The following SHISA9 variants were observed in gnomAD, a reference collection of about 807,000 sequenced individuals.
SHISA9 encodes shisa family member 9, also known as protein shisa-9.
Under a neutral mutation model 38.0 loss-of-function variants are expected in SHISA9, and 13 were observed. That is an observed-to-expected ratio of 0.34 (90% CI 0.22 to 0.54). The LOEUF (loss-of-function observed/expected upper bound fraction) is 0.54. SHISA9 is among the 20% of genes least tolerant of loss of function. SHISA9 has a pLI of 0.91. For missense variants in SHISA9, 538 were observed against 575.8 expected, an observed-to-expected ratio of 0.93 and a Z score of 0.67; for synonymous variants, 275 against 242.0, an observed-to-expected ratio of 1.14 and a Z score of -1.27.
chr16:12,994,710 G>A (rs972229036), intron 2 of SHISA9, among the ~76,000 whole-genome samples: 4 of 152,176 alleles, frequency 2.6e-5, no homozygotes, highest in Non-Finnish European at 1.5e-5. Context: ...CAAAAACTGA[G>A]CCTAATGAAG....
In SHISA9 at chr16:13,041,738, G is replaced by A. The variant is rs527527898; in HGVS notation, c.691+124923G>A. Among the ~76,000 whole-genome samples, 3 of 152,170 alleles carry A rather than the reference G, an allele frequency of 2.0e-5. No individual in the cohort carries two copies. The East Asian group carries it at 5.8e-4, about 30-fold the overall frequency. ...CTGGGCCAGCAGTTCTCAAACTGTAGGGTACATGAGGCTCACTGGGGAAGG... is the reference window on the plus strand; with the variant it reads ...CTGGGCCAGCAGTTCTCAAACTGTAAGGTACATGAGGCTCACTGGGGAAGG... On this transcript the variant is annotated intron_variant, in intron 2 of 4. Transcript: ENST00000558583.
At chr16:12,955,856 T>G (rs907395942) in intron 2 of SHISA9, among the ~76,000 whole-genome samples, 2 of 152,096 alleles carry the variant, frequency 1.3e-5, no homozygotes, top group African/African-American at 4.8e-5. Flanking sequence ...AGTGAATAAT[T>G]TATGATGAAG....
At chr16:13,364,969 G>A in the SHISA9 span, among the ~76,000 whole-genome samples, 1 of 152,152 alleles carries the variant, frequency 6.6e-6, no homozygotes, top group Non-Finnish European at 1.5e-5. Context: ...TTCCATTGAG[G>A]AGAGCCTATG....
chr16:12,916,836 C>T (rs942322433), intron 2 of SHISA9, 21 bp downstream of exon 2: 3 of 1,549,468 alleles, frequency 1.9e-6, no homozygotes, highest in African/African-American at 2.7e-5. Context: ...CTGCATGAAC[C>T]ATTTCCAGTC....
At chr16:13,284,677 A>T in the SHISA9 span, among the ~76,000 whole-genome samples, 1 of 152,308 alleles carries the variant, frequency 6.6e-6, no homozygotes, top group African/African-American at 2.4e-5. Context: ...AGCTCACTGC[A>T]GCCTCCGCCT....
At chr16:13,157,289 G>A (rs2050556000) in intron 2 of SHISA9, among the ~76,000 whole-genome samples, 1 of 152,176 alleles carries the variant, frequency 6.6e-6, no homozygotes, top group Admixed American at 6.5e-5. Flanking sequence ...AGTTGTTTGT[G>A]TGAAGCTTCG....
the SHISA9 span, among the ~76,000 whole-genome samples, chr16:13,304,231 C>G: frequency 6.6e-6 from 1 of 152,164 alleles, no homozygotes; most frequent in Non-Finnish European, 1.5e-5. Context: ...TGAATGAAGT[C>G]TTACACCACC....
rs376756168 is a variant in SHISA9 at position 13,213,375 on chromosome 16, G to A, written c.895+75G>A. On this transcript the variant is annotated intron_variant, in intron 4 of 4. Coordinates refer to ENST00000558583, the MANE Select transcript of SHISA9 (RefSeq NM_001145204.3). ...GCATTAAATAATGAAGGGATAGAGA[G>A]TCCTGGTGTCTGTGTGACCTGTGCA... 4.4e-6 allele frequency: 6 copies of A among 1,378,412 alleles called. No individual in the cohort carries two copies. In the African/African-American group the frequency reaches 7.2e-5, roughly 17 times the overall value. The allele number at this position is 1,378,412 out of a possible 1,614,324, so 85.4% of individuals were successfully genotyped here.
intron 2 of SHISA9, among the ~76,000 whole-genome samples, chr16:12,983,107 G>A (rs1430123877): frequency 2.0e-5 from 3 of 152,230 alleles, no homozygotes; most frequent in African/African-American, 7.2e-5. Flanking sequence ...TTTAGAATCA[G>A]GTTTGGGGTG....
chr16:13,060,138 G>A (rs551663604), intron 2 of SHISA9, among the ~76,000 whole-genome samples: 2 of 152,268 alleles, frequency 1.3e-5, no homozygotes, highest in South Asian at 2.1e-4. Context: ...AATCCCAGAC[G>A]GGCCTGGCTC....
chr16:13,508,283 C>T, the SHISA9 span, among the ~76,000 whole-genome samples: 3 of 152,200 alleles, frequency 2.0e-5, no homozygotes, highest in Admixed American at 2.0e-4. Context: ...TCTTCAAAAA[C>T]ATGACTTTTA....
the SHISA9 span, among the ~76,000 whole-genome samples, chr16:13,253,937 T>G: frequency 6.6e-6 from 1 of 152,108 alleles, no homozygotes; most frequent in Non-Finnish European, 1.5e-5. Context: ...ATCCTTCCAC[T>G]TCCTGTTTTC....
chr16:13,284,767 T>C, the SHISA9 span, among the ~76,000 whole-genome samples: 2 of 152,198 alleles, frequency 1.3e-5, 1 homozygote, highest in Admixed American at 1.3e-4. Flanking sequence ...CGGGCTAATT[T>C]TTTGTATTTT....
chr16:13,148,792 A>G (rs928740088), intron 2 of SHISA9, among the ~76,000 whole-genome samples: 1 of 151,696 alleles, frequency 6.6e-6, no homozygotes, highest in African/African-American at 2.4e-5. Context: ...AAATTGCCTG[A>G]GGCCACACAC....
At chr16:13,025,818 TG>T (rs1567186507) in intron 2 of SHISA9, among the ~76,000 whole-genome samples, 1 of 152,088 alleles carries the variant, frequency 6.6e-6, no homozygotes, top group African/African-American at 2.4e-5. Flanking sequence ...ACATTTTTTT[TG>T]GGGGGGATGG....
rs1259119000 is a variant in SHISA9 at position 13,020,037 on chromosome 16, C to CT, written c.691+103231dup. 2.5e-3 allele frequency among the ~76,000 whole-genome samples: 272 copies of CT among 110,104 alleles called. 1 individual carries two copies. The highest frequency in any genetic ancestry group is 8.1e-3 in the African/African-American group (238 of 29,322). 72.2% of individuals were successfully genotyped at this position (110,104 alleles called of 152,430 possible). ...CCTCCTTCCTTCCTTCTCTTTCTTT[C>CT]TTTTTTTTTGACAGAGTCTTGCTGT... On this transcript the variant is annotated intron_variant, in intron 2 of 4. Transcript: ENST00000558583.
downstream of SHISA9, among the ~76,000 whole-genome samples, chr16:13,242,699 G>A (rs1023661111): frequency 2.0e-5 from 3 of 152,160 alleles, no homozygotes; most frequent in South Asian, 4.1e-4. Flanking sequence ...TTCAGAAGGA[G>A]GAGGTTGCAG....
At chr16:13,526,537 C>T in the SHISA9 span, among the ~76,000 whole-genome samples, 1 of 152,084 alleles carries the variant, frequency 6.6e-6, no homozygotes. Flanking sequence ...GTGTGCACCA[C>T]CACACCTGGC....
chr16:13,504,354 T>C, the SHISA9 span, among the ~76,000 whole-genome samples: 1 of 152,174 alleles, frequency 6.6e-6, no homozygotes, highest in Non-Finnish European at 1.5e-5. Flanking sequence ...CTGATTTTCT[T>C]TTCGGAGATT....
Sources: gnomAD v4.1 joint callset for allele counts (sites outside exome capture counted in the v4.1 genomes callset) on GRCh38, gnomAD v4.1.1 for gene constraint, MANE v1.5 for transcripts, NCBI Gene and HGNC (gene_info 2026-07-23, HGNC 2026-07-21) for gene names.